ARHGAP35: variants seen among roughly 807,000 people sequenced by gnomAD.
ARHGAP35 encodes the protein rho GTPase-activating protein 35.
Under a neutral mutation model 111.1 loss-of-function variants are expected in ARHGAP35, and 15 were observed. The ratio of observed to expected loss-of-function variants is 0.13; its 90% CI spans 0.09 to 0.21. The LOEUF (loss-of-function observed/expected upper bound fraction) is 0.21. Among genes scored for constraint, ARHGAP35 ranks in the 10% least tolerant of loss-of-function variants. The pLI, the probability that ARHGAP35 is intolerant of heterozygous loss-of-function variation, is 1.00. For missense variants in ARHGAP35, 1,262 were observed against 1,873.0 expected (o/e 0.67, Z 6.02); for synonymous variants, 643 against 710.3 (o/e 0.91, Z 1.51).
chr19:46,919,951 G>A lies in ARHGAP35; in HGVS notation c.1276G>A (p.Glu426Lys), dbSNP rs564899532. The change falls in exon 2 of 7, where the codon GAA (glutamate) becomes AAA (lysine). Residue 426 changes from glutamate to lysine, a missense_variant. Physicochemically the swap from Glu to Lys is moderately conservative, Grantham distance 56. Transcript: ENST00000672722. The surrounding 1 kb of genome is among the most constrained non-coding windows in gnomAD (Gnocchi z 6.2). ...GGCCCACTTAGAGAAGCTGAGGAAC[G>A]AAAGGAAAAGAGTTGAGATGCGAAG... ...YEAHLEKLRNERKRVEMRRAF... is the reference protein window; with the variant it reads ...YEAHLEKLRNKRKRVEMRRAF... 7 of 1,613,994 alleles carry A rather than the reference G, an allele frequency of 4.3e-6. No homozygotes were observed. The highest frequency in any genetic ancestry group is 1.7e-5 in the Admixed American group (1 of 60,014).
intron 3 of ARHGAP35, among the ~76,000 whole-genome samples, chr19:46,976,832 C>T (rs1048770501): frequency 6.6e-6 from 1 of 152,214 alleles, no homozygotes; most frequent in African/African-American, 2.4e-5. Flanking sequence ...CCTGGGGGCT[C>T]CGGTGGCCCT....
intron 3 of ARHGAP35, among the ~76,000 whole-genome samples, chr19:46,960,330 T>C (rs1343330261): frequency 1.3e-5 from 2 of 152,164 alleles, no homozygotes; most frequent in African/African-American, 4.8e-5. Flanking sequence ...CCTCCATGAC[T>C]AGGCAGTGGG....
chr19:46,928,205 C>G (rs2056249593), intron 2 of ARHGAP35, among the ~76,000 whole-genome samples: 1 of 152,110 alleles, frequency 6.6e-6, no homozygotes, highest in Admixed American at 6.6e-5. Flanking sequence ...AACTATCTGC[C>G]TTAGCTTACA....
intron 5 of ARHGAP35, among the ~76,000 whole-genome samples, chr19:46,996,708 A>T (rs1452726021): frequency 6.6e-6 from 1 of 152,220 alleles, no homozygotes; most frequent in East Asian, 1.9e-4. Context: ...GGAAGGGGGC[A>T]TGACGATTTT....
At chr19:46,970,666 G>A (rs1034099192) in intron 3 of ARHGAP35, among the ~76,000 whole-genome samples, 5 of 152,122 alleles carry the variant, frequency 3.3e-5, no homozygotes, top group Non-Finnish European at 7.3e-5. Context: ...ACCACTGATC[G>A]AGAGCAAGCC....
rs564024610 is a variant in ARHGAP35 at position 46,961,185 on chromosome 19, G to A, written c.3826+23777G>A. Among the ~76,000 whole-genome samples the A allele has an allele frequency of 5.9e-5, 9 of 152,282 alleles. No individual in the cohort carries two copies. In the East Asian group the frequency reaches 7.7e-4, roughly 13 times the overall value. ...GCTGGGATTACAGGCATGAGCTGCC[G>A]CGCCCAGCCAACTGTATAATAATTT... is the stretch of plus-strand genomic sequence containing the variant. On this transcript the variant is annotated intron_variant, in intron 3 of 6. Coordinates refer to ENST00000672722, the MANE Select transcript of ARHGAP35 (RefSeq NM_004491.5).
At chr19:46,949,259 AAG>A (rs2056398883) in intron 3 of ARHGAP35, 1 of 152,218 alleles carries the variant, frequency 6.6e-6, no homozygotes, top group African/African-American at 2.4e-5. Flanking sequence ...CAAAACAAAA[AAG>A]AAGTCATTGG....
At chr19:46,873,386 C>T (rs2055898104) in intron 1 of ARHGAP35, among the ~76,000 whole-genome samples, 1 of 152,020 alleles carries the variant, frequency 6.6e-6, no homozygotes, top group Non-Finnish European at 1.5e-5. Flanking sequence ...AATCCTAGCA[C>T]TTTGGTGGGC....
intron 1 of ARHGAP35, among the ~76,000 whole-genome samples, chr19:46,892,665 T>G (rs1200341637): frequency 7.5e-6 from 1 of 134,092 alleles, no homozygotes; most frequent in Non-Finnish European, 1.6e-5. Context: ...TTTTTTTTTC[T>G]GCCAGGAGTA....
intron 1 of ARHGAP35, among the ~76,000 whole-genome samples, chr19:46,894,029 G>A (rs1054930872): frequency 6.6e-6 from 1 of 151,806 alleles, no homozygotes; most frequent in Non-Finnish European, 1.5e-5. Context: ...AATTCAGGGT[G>A]CAGTTGTTCT....
At position 47,001,211 on chromosome 19, in the gene ARHGAP35, C is replaced by A; in HGVS notation, c.*523C>A. ...CTCCTTGGGAACGTGTAGGCCACGG[C>A]TCTGCCACCACTAGGTACCTGCTGA... On this transcript the variant is annotated 3_prime_UTR_variant, in exon 7 of 7. Transcript: ENST00000672722. The surrounding 1 kb of genome is among the most constrained non-coding windows in gnomAD (Gnocchi z 5.4). 2.4e-6 allele frequency: 3 copies of A among 1,273,672 alleles called. No individual in the cohort carries two copies. The highest frequency in any genetic ancestry group is 2.0e-6 in the Non-Finnish European group (2 of 981,516). The allele number at this position is 1,273,672 out of a possible 1,614,324, so 78.9% of individuals were successfully genotyped here. A position where few individuals can be genotyped will look rare whatever the true frequency, so the allele number is the denominator to read the frequency against.
chr19:46,961,073 T>C (rs898790351), intron 3 of ARHGAP35, among the ~76,000 whole-genome samples: 1 of 152,100 alleles, frequency 6.6e-6, no homozygotes, highest in Non-Finnish European at 1.5e-5. Context: ...TTTTGTATTT[T>C]TAGTAGAGAT....
intron 3 of ARHGAP35, among the ~76,000 whole-genome samples, chr19:46,960,881 G>A (rs534819515): frequency 1.1e-4 from 16 of 147,420 alleles, no homozygotes; most frequent in African/African-American, 4.0e-4. Context: ...TGACTGGAGA[G>A]TATTTCTTTG....
In ARHGAP35 at chr19:46,989,255, T is replaced by C. The variant is rs2122339770; in HGVS notation, c.3905-289T>C. The C allele has an allele frequency of 3.2e-6, 1 of 309,786 alleles. No individual in the cohort carries two copies. The highest frequency in any genetic ancestry group is 6.3e-5 in the East Asian group (1 of 15,864). 19.2% of individuals were successfully genotyped at this position (309,786 alleles called of 1,614,324 possible). The stretch of plus-strand genomic sequence containing the variant: ...GAGGCAACAGCATATCAAAGCCAGA[T>C]GAAGGCAAGCTCCTGGCACCAAAAA... On this transcript the variant is annotated intron_variant, in intron 4 of 6. Coordinates refer to ENST00000672722, the MANE Select transcript of ARHGAP35 (RefSeq NM_004491.5). The surrounding 1 kb of genome is among the most constrained non-coding windows in gnomAD (Gnocchi z 5.3).
intron 1 of ARHGAP35, among the ~76,000 whole-genome samples, chr19:46,861,555 C>A (rs1445387430): frequency 6.6e-5 from 10 of 151,196 alleles, no homozygotes; most frequent in Non-Finnish European, 1.5e-4. Context: ...GCCCCCCTTC[C>A]CCCTTCCACC....
intron 3 of ARHGAP35, among the ~76,000 whole-genome samples, chr19:46,957,752 A>G (rs182339937): frequency 1.3e-5 from 2 of 152,316 alleles, no homozygotes; most frequent in African/African-American, 4.8e-5. Flanking sequence ...ATCAGAACAC[A>G]CCTGACTGTT....
chr19:46,881,776 A>G (rs1372464701), intron 1 of ARHGAP35, among the ~76,000 whole-genome samples: 1 of 152,222 alleles, frequency 6.6e-6, no homozygotes, highest in East Asian at 1.9e-4. Flanking sequence ...GAAGCCAGCC[A>G]TTGACTTCTC....
Position 46,920,344 on chromosome 19 carries a change from G to C in ARHGAP35, c.1669G>C (p.Glu557Gln). The change falls in exon 2 of 7, where the codon GAG (glutamate) becomes CAG (glutamine). Residue 557 changes from glutamate (E) to glutamine (Q), a missense_variant. Around this residue, in one of 8 missense-constraint regions of ARHGAP35, gnomAD observed 328 missense variants for 440.8 expected, o/e 0.74. Coordinates refer to ENST00000672722, the MANE Select transcript of ARHGAP35 (RefSeq NM_004491.5). This position sits in a 1 kb window ranked among gnomAD's most constrained non-coding sequence, Gnocchi z 7.0. Reference sequence around the variant, plus strand: ...TCATTTTGTGTACCACCCAACAAAGGAGACATGCCCCAGCTGCCCAGCTTG... The same window carrying C: ...TCATTTTGTGTACCACCCAACAAAGCAGACATGCCCCAGCTGCCCAGCTTG... ...HIHFVYHPTK[E>Q]TCPSCPACVD... 3 of 1,613,924 alleles carry C rather than the reference G, an allele frequency of 1.9e-6. No homozygotes were observed. Among genetic ancestry groups the C allele is most frequent in the Non-Finnish European group, 2.5e-6 (3 of 1,179,892 alleles).
At chr19:46,942,591 C>T (rs1314675397) in intron 3 of ARHGAP35, among the ~76,000 whole-genome samples, 2 of 152,018 alleles carry the variant, frequency 1.3e-5, no homozygotes, top group African/African-American at 2.4e-5. Context: ...GAGCCGAGAT[C>T]GCACCACTGC....
Sources: allele counts gnomAD v4.1 joint callset (sites outside exome capture counted in the v4.1 genomes callset), GRCh38; gene constraint gnomAD v4.1.1; regional missense constraint gnomAD v4.1.1; non-coding constraint Gnocchi (gnomAD v3.1); transcripts MANE v1.5; gene names NCBI Gene and HGNC (gene_info 2026-07-23, HGNC 2026-07-21).